The following MTAP variants were observed in gnomAD, a reference collection of about 807,000 sequenced individuals.
The protein encoded by MTAP is S-methyl-5'-thioadenosine phosphorylase.
MTAP carries 33 observed loss-of-function variants against 33.6 expected under a neutral mutation model. The ratio of observed to expected loss-of-function variants is 0.98; its 90% CI spans 0.74 to 1.31. MTAP has a LOEUF of 1.31. Among genes scored for constraint, MTAP ranks in the 40% most tolerant of loss-of-function variants. The probability of loss-of-function intolerance (pLI) is 0.00; values close to 1 mark genes in which losing one functional copy is unlikely to be tolerated. For synonymous variants in MTAP, 148 were observed against 125.7 expected (o/e 1.18, Z -1.19); for missense variants, 367 against 360.0 (o/e 1.02, Z -0.16).
chr9:21,878,446 AGGTGG>A (rs1436215938), intron 1 of MTAP, among the ~76,000 whole-genome samples: 1 of 151,840 alleles, frequency 6.6e-6, no homozygotes, highest in African/African-American at 2.4e-5. Flanking sequence ...TTGTAATTTT[AGGTGG>A]TTAATTTGAG....
At chr9:21,872,433 T>C (rs745327439) in intron 1 of MTAP, among the ~76,000 whole-genome samples, 8 of 152,206 alleles carry the variant, frequency 5.3e-5, no homozygotes, top group South Asian at 2.1e-4. Flanking sequence ...TATGTGTCTG[T>C]GTAGTTGGCC....
rs540642472 is a variant in MTAP at position 21,866,181 on chromosome 9, A to G, written c.*4167A>G. The G allele has an allele frequency of 1.3e-5, 2 of 152,304 alleles. No individual in the cohort carries two copies. The highest frequency in any genetic ancestry group is 4.8e-5 in the African/African-American group (2 of 41,578). 9.4% of individuals were successfully genotyped at this position (152,304 alleles called of 1,614,324 possible). ...TTTCATGTGCTTATTGGCCATTCAC[A>G]TATTTCGTGAACTATCTGTACAAAT... is the stretch of plus-strand genomic sequence containing the variant. On this transcript the variant is annotated 3_prime_UTR_variant, in exon 8 of 8. Transcript: ENST00000644715.
At position 21,865,337 on chromosome 9, in the gene MTAP, A is replaced by C. The variant is rs185046346; in HGVS notation, c.*3323A>C. ...TTCTGCCACGATTGTAAGTTTCCTG[A>C]GGCCTTCCCAGCTATGTGGAACTGT... On this transcript the variant is annotated 3_prime_UTR_variant, in exon 8 of 8. Transcript: ENST00000644715. The C allele has an allele frequency of 6.0e-5, 41 of 688,966 alleles. No homozygotes were observed. In the African/African-American group the frequency reaches 7.2e-4, roughly 12 times the overall value. The allele number at this position is 688,966 out of a possible 1,614,324, so 42.7% of individuals were successfully genotyped here. A position where few individuals can be genotyped will look rare whatever the true frequency, so the allele number is the denominator to read the frequency against.
intron 1 of MTAP, among the ~76,000 whole-genome samples, chr9:21,810,703 T>C (rs1824323423): frequency 1.3e-5 from 2 of 152,364 alleles, no homozygotes; most frequent in South Asian, 4.1e-4. Context: ...TCATTTGATC[T>C]GAATTACCTC....
chr9:21,883,631 A>C (rs1189654560), intron 1 of MTAP, among the ~76,000 whole-genome samples: 1 of 151,670 alleles, frequency 6.6e-6, no homozygotes, highest in Non-Finnish European at 1.5e-5. Context: ...CTAAGGAAAG[A>C]CAAACGTGAA....
chr9:21,821,861 G>A (rs905760731), intron 4 of MTAP, among the ~76,000 whole-genome samples: 2 of 152,036 alleles, frequency 1.3e-5, no homozygotes, highest in African/African-American at 2.4e-5. Flanking sequence ...GTCTTGGGAG[G>A]GTGTGTGTGT....
In MTAP at chr9:21,857,942, T is replaced by C. The variant is rs1011494300; in HGVS notation, c.691-1361T>C. Among the ~76,000 whole-genome samples, 7 of 152,334 alleles carry C rather than the reference T, an allele frequency of 4.6e-5. 1 individual carries two copies. The East Asian group carries it at 1.3e-3, about 29-fold the overall frequency. On this transcript the variant is annotated intron_variant, in intron 6 of 7. Coordinates refer to ENST00000644715, the MANE Select transcript of MTAP (RefSeq NM_002451.4). ...ATAGGCTTCTCTGTCCTCTGTATTG[T>C]CTATAAATTGGTAGCTAGATTTAGA...
chr9:21,858,362 G>T (rs1825681531), intron 6 of MTAP, among the ~76,000 whole-genome samples: 1 of 152,142 alleles, frequency 6.6e-6, no homozygotes. Flanking sequence ...ACCTAAAACT[G>T]GGTAATTTAT....
Position 21,854,816 on chromosome 9 carries a change from C to A in MTAP, c.636C>A (p.Tyr212Ter), listed in dbSNP as rs757812208. 1 of 1,614,090 alleles carries A rather than the reference C, an allele frequency of 6.2e-7. No individual in the cohort carries two copies. ...VVLAKEAGIC[Y>*]ASIAMATDYD... ...TTGCTAAGGAGGCTGGAATTTGTTA[C>A]GCAAGTATCGCCATGGCGACAGATT... is the stretch of plus-strand genomic sequence containing the variant. Residue 212 changes from tyrosine (Y) to a stop codon, truncating the protein, a stop_gained, in exon 6 of 8, where the codon TAC becomes TAA. Transcript: ENST00000644715. LOFTEE classifies it high-confidence loss of function.
At chr9:21,807,321 A>G (rs868655874) in intron 1 of MTAP, among the ~76,000 whole-genome samples, 2 of 151,954 alleles carry the variant, frequency 1.3e-5, no homozygotes, top group East Asian at 3.9e-4. Flanking sequence ...GGGCCTTTAC[A>G]CTCCCTGCTT....
chr9:21,917,662 C>T (rs796662017), intron 1 of MTAP, among the ~76,000 whole-genome samples: 1 of 152,122 alleles, frequency 6.6e-6, no homozygotes, highest in African/African-American at 2.4e-5. Context: ...ATTAGTACCA[C>T]CACTATAGAA....
intron 5 of MTAP, among the ~76,000 whole-genome samples, chr9:21,850,856 A>G (rs1189944002): frequency 6.6e-6 from 1 of 152,202 alleles, no homozygotes; most frequent in Non-Finnish European, 1.5e-5. Context: ...GACTGGGCTC[A>G]AGCAGGTCCT....
At chr9:21,836,887 G>A (rs1825122409) in intron 4 of MTAP, among the ~76,000 whole-genome samples, 1 of 152,132 alleles carries the variant, frequency 6.6e-6, no homozygotes, top group Non-Finnish European at 1.5e-5. Context: ...TGCCAGCTGT[G>A]TAAACGGAAC....
exon 2 of MTAP, chr9:21,931,190 T>A: frequency 1.4e-6 from 1 of 735,068 alleles, no homozygotes; most frequent in Admixed American, 1.8e-5. Flanking sequence ...CACCCTGCCC[T>A]GACAGCTAGC....
chr9:21,843,919 T>C (rs1422400520), intron 5 of MTAP, among the ~76,000 whole-genome samples: 2 of 151,464 alleles, frequency 1.3e-5, no homozygotes, highest in East Asian at 3.9e-4. Flanking sequence ...TAAATGAAAT[T>C]GAAACAAAAA....
chr9:21,877,226 C>G (rs1180177130), intron 1 of MTAP, among the ~76,000 whole-genome samples: 2 of 152,046 alleles, frequency 1.3e-5, no homozygotes, highest in East Asian at 3.9e-4. Flanking sequence ...TGAAATTTTG[C>G]TGAAGTTGTT....
intron 5 of MTAP, 61 bp downstream of exon 5, chr9:21,838,071 G>C: frequency 7.0e-7 from 1 of 1,435,048 alleles, no homozygotes; most frequent in Non-Finnish European, 9.8e-7. Flanking sequence ...GTGGCATCTG[G>C]CATTTGGTTA....
At chr9:21,895,381 C>A (rs1471909529) in intron 1 of MTAP, among the ~76,000 whole-genome samples, 1 of 152,194 alleles carries the variant, frequency 6.6e-6, no homozygotes, top group African/African-American at 2.4e-5. Context: ...TGAATAGGAA[C>A]AGCTCCAGTC....
At chr9:21,931,082 A>G (rs534904828) in exon 2 of MTAP, 1 of 764,112 alleles carries the variant, frequency 1.3e-6, no homozygotes, top group Non-Finnish European at 2.4e-6. Flanking sequence ...TCTACAGAGG[A>G]CTCCTAGACT....
Sources: allele counts gnomAD v4.1 joint callset (sites outside exome capture counted in the v4.1 genomes callset), GRCh38; gene constraint gnomAD v4.1.1; transcripts MANE v1.5; gene names NCBI Gene and HGNC (gene_info 2026-07-23, HGNC 2026-07-21).